RGN: variants seen among roughly 807,000 people sequenced by gnomAD.
RGN encodes the protein epididymis secretory protein Li 41.
Under a neutral mutation model 20.6 loss-of-function variants are expected in RGN, and 19 were observed. The ratio of observed to expected loss-of-function variants is 0.92; its 90% CI spans 0.64 to 1.35. The LOEUF (loss-of-function observed/expected upper bound fraction) is 1.35, where lower values mean the gene tolerates loss of function less well. Ranked by LOEUF, RGN falls within the 40% of genes most tolerant of loss-of-function variation. The pLI is 0.00. For missense variants in RGN, 302 were observed against 232.7 expected (o/e 1.30, Z -1.94); for synonymous variants, 85 against 87.2 (o/e 0.97, Z 0.14).
chrX:47,090,915 G>GGAAA (rs1167092040), intron 5 of RGN, among the ~76,000 whole-genome samples: 1,125 of 51,829 alleles, frequency 0.022, 46 homozygotes, highest in Middle Eastern at 0.067. Context: ...GAAAGAAGAA[G>GGAAA]GAAAGAAAGA....
At chrX:47,086,767 GAGAGAGAGAGAGAGAGAA>G (rs1930612934) in intron 4 of RGN, among the ~76,000 whole-genome samples, 3 of 106,064 alleles carry the variant, frequency 2.8e-5, no homozygotes, top group Admixed American at 2.1e-4. Context: ...GAGAGAGAGA[GAGAGAGAGAGAGAGAGAA>G]AGAGAGAGAG....
In RGN at chrX:47,092,222, T is replaced by C. The variant is rs1556388260; in HGVS notation, c.849+7T>C. The C allele has an allele frequency of 8.6e-7, 1 of 1,161,604 alleles. No individual in the cohort carries two copies. Among genetic ancestry groups the C allele is most frequent in the Non-Finnish European group, 1.2e-6 (1 of 869,534 alleles). On this transcript the variant is annotated splice_region_variant and intron_variant, in intron 7 of 7. Coordinates refer to ENST00000397180, the MANE Select transcript of RGN (RefSeq NM_152869.4). ...AGCTGGTGGAATTTTCAAGGTGATA[T>C]GGCTATTTCTTTTATTTTGGGGGTG... is the stretch of plus-strand genomic sequence containing the variant.
chrX:47,079,509 C>A (rs797029820), intron 1 of RGN, among the ~76,000 whole-genome samples: 1 of 108,366 alleles, frequency 9.2e-6, no homozygotes, highest in Admixed American at 9.9e-5. Context: ...CGGCTCACTG[C>A]AACCTCTGCC....
intron 4 of RGN, chrX:47,087,730 G>T (rs1262779710): frequency 9.3e-6 from 1 of 107,182 alleles, no homozygotes; most frequent in Non-Finnish European, 1.9e-5. Flanking sequence ...AATTGCAGGT[G>T]TCATTGTAGG....
At chrX:47,090,669 A>C (rs1410831020) in intron 5 of RGN, among the ~76,000 whole-genome samples, 1 of 108,620 alleles carries the variant, frequency 9.2e-6, no homozygotes, top group African/African-American at 3.4e-5. Context: ...ATGACTTGGA[A>C]AAAATATCCC....
At chrX:47,090,792 G>T (rs1556387218) in intron 5 of RGN, among the ~76,000 whole-genome samples, 2 of 106,352 alleles carry the variant, frequency 1.9e-5, no homozygotes, top group African/African-American at 6.9e-5. Flanking sequence ...GAACCCGGGA[G>T]GCAGGGGTTG....
chrX:47,085,532 A>G, intron 4 of RGN, among the ~76,000 whole-genome samples: 1 of 111,177 alleles, frequency 9.0e-6, no homozygotes, highest in East Asian at 2.8e-4. Context: ...AAAAAAGAAT[A>G]GTACAAACAA....
chrX:47,086,436 A>T (rs1930592193), intron 4 of RGN, among the ~76,000 whole-genome samples: 1 of 111,293 alleles, frequency 9.0e-6, no homozygotes, highest in Admixed American at 9.8e-5. Context: ...ATAACAAATT[A>T]CCCTGAAACT....
Position 47,089,880 on chromosome X carries a change from G to T in RGN, c.451G>T (p.Asp151Tyr). The change falls in exon 5 of 8, where the codon GAC becomes TAC. Residue 151 changes from aspartate (D) to tyrosine (Y), a missense_variant. By Grantham distance (160) the Asp-to-Tyr change is radical (BLOSUM62 -3). Coordinates refer to ENST00000397180, the MANE Select transcript of RGN (RefSeq NM_152869.4). Reference sequence around the variant, plus strand: ...CGTGAAAAAGTACTTTGACCAGGTGGACATTTCCAATGGTTTGGATTGGTC... The same window carrying T: ...CGTGAAAAAGTACTTTGACCAGGTGTACATTTCCAATGGTTTGGATTGGTC... ...HHVKKYFDQVDISNGLDWSLD... is the reference protein window; with the variant it reads ...HHVKKYFDQVYISNGLDWSLD... The T allele has an allele frequency of 8.3e-7, 1 of 1,208,672 alleles. No individual in the cohort carries two copies. Among genetic ancestry groups the T allele is most frequent in the Non-Finnish European group, 1.1e-6 (1 of 893,886 alleles).
chrX:47,088,681 C>T (rs1556385252), intron 4 of RGN, among the ~76,000 whole-genome samples: 2 of 109,652 alleles, frequency 1.8e-5, no homozygotes, highest in African/African-American at 3.3e-5. Context: ...CCTATAATCC[C>T]AGCACTTTGG....
chrX:47,079,106 C>G (rs1159810315), intron 1 of RGN, among the ~76,000 whole-genome samples: 1 of 108,765 alleles, frequency 9.2e-6, no homozygotes, highest in African/African-American at 3.4e-5. Flanking sequence ...ACCACAGGCT[C>G]GAACCACTAA....
Position 47,084,411 on chromosome X carries a change from T to G in RGN, c.164-7T>G, listed in dbSNP as rs1930487627. On this transcript the variant is annotated splice_region_variant and splice_polypyrimidine_tract_variant and intron_variant, in intron 3 of 7. Coordinates refer to ENST00000397180, the MANE Select transcript of RGN (RefSeq NM_152869.4). The stretch of plus-strand genomic sequence containing the variant: ...ACTGTTTTTTAACTGTTGCTTTACC[T>G]CTACAGATGCCCCAGTCAGCTCCGT... 3 of 1,192,438 alleles carry G rather than the reference T, an allele frequency of 2.5e-6. No homozygotes were observed. The highest frequency in any genetic ancestry group is 3.4e-6 in the Non-Finnish European group (3 of 885,452).
At position 47,089,978 on chromosome X, in the gene RGN, G is replaced by T. The variant is rs781869363; in HGVS notation, c.549G>T (p.Gln183His). ...YSVDAFDYDL[Q>H]TGQISNRRSV... ...TGGATGCCTTTGACTATGACCTGCA[G>T]ACAGGACAGATCTGTATGTATTTTT... The change falls in exon 5 of 8, where the codon CAG becomes CAT. Residue 183 changes from glutamine to histidine, a missense_variant. Coordinates refer to ENST00000397180, the MANE Select transcript of RGN (RefSeq NM_152869.4). 24 of 1,179,639 alleles carry T rather than the reference G, an allele frequency of 2.0e-5. No individual in the cohort carries two copies. Among genetic ancestry groups the T allele is most frequent in the Middle Eastern group, 2.3e-4 (1 of 4,263 alleles).
chrX:47,079,438 G>GTT (rs541170817), intron 1 of RGN, among the ~76,000 whole-genome samples: 13 of 101,266 alleles, frequency 1.3e-4, no homozygotes, highest in African/African-American at 4.3e-4. Context: ...TGTTTTTTTG[G>GTT]TTTTTTTTTT....
At position 47,080,926 on chromosome X, in the gene RGN, A is replaced by G; in HGVS notation, c.-26A>G. On this transcript the variant is annotated 5_prime_UTR_variant, in exon 2 of 8. Coordinates refer to ENST00000397180, the MANE Select transcript of RGN (RefSeq NM_152869.4). The stretch of plus-strand genomic sequence containing the variant: ...TTCTTTTTGAAAGATCATTCGAGAA[A>G]CACGTCACTGGTAAGTTGGTTGAAG... 5.5e-6 allele frequency: 2 copies of G among 365,313 alleles called. No homozygotes were observed. Among genetic ancestry groups the G allele is most frequent in the South Asian group, 6.9e-5 (1 of 14,467 alleles). 30.1% of individuals were successfully genotyped at this position (365,313 alleles called of 1,213,427 possible). A position where few individuals can be genotyped will look rare whatever the true frequency, so the allele number is the denominator to read the frequency against.
chrX:47,084,421 C>A lies in RGN; in HGVS notation c.167C>A (p.Ala56Asp). The change falls in exon 4 of 8, where the codon GCC (alanine) becomes GAC (aspartate). Residue 56 changes from alanine (A) to aspartate (D), a missense_variant. Physicochemically the swap from Ala to Asp is moderately radical, Grantham distance 126. Coordinates refer to ENST00000397180, the MANE Select transcript of RGN (RefSeq NM_152869.4). ...AACTGTTGCTTTACCTCTACAGATG[C>A]CCCAGTCAGCTCCGTGGCTCTTCGC... ...TKQVQRVTMD[A>D]PVSSVALRQS... The A allele has an allele frequency of 8.4e-7, 1 of 1,197,553 alleles. No individual in the cohort carries two copies. The highest frequency in any genetic ancestry group is 1.1e-6 in the Non-Finnish European group (1 of 888,091).
At chrX:47,083,621 G>A (rs114785765) in intron 3 of RGN, among the ~76,000 whole-genome samples, 1,134 of 110,577 alleles carry the variant, frequency 0.01, 8 homozygotes, top group African/African-American at 0.035. Flanking sequence ...TAGAAAAGAC[G>A]AATCCTGGGC....
Position 47,084,490 on chromosome X carries a change from C to T in RGN, c.236C>T (p.Ala79Val), listed in dbSNP as rs1316866270. The part of the protein sequence containing the change: ...YVATIGTKFC[A>V]LNWKEQSAVV... ...GCCACCATTGGAACAAAGTTCTGTGCTTTGAACTGGAAAGAACAATCAGCA... is the reference window on the plus strand; with the variant it reads ...GCCACCATTGGAACAAAGTTCTGTGTTTTGAACTGGAAAGAACAATCAGCA... Residue 79 changes from alanine to valine, a missense_variant, in exon 4 of 8, where the codon GCT becomes GTT. Physicochemically the swap from Ala to Val is moderately conservative, Grantham distance 64. Coordinates refer to ENST00000397180, the MANE Select transcript of RGN (RefSeq NM_152869.4). The T allele has an allele frequency of 1.1e-5, 13 of 1,204,642 alleles. No individual in the cohort carries two copies. The African/African-American group carries it at 1.9e-4, about 18-fold the overall frequency.
At chrX:47,089,588 T>TATAAACAC (rs1930822464) in intron 4 of RGN, among the ~76,000 whole-genome samples, 188 bp from the exon 5 acceptor site, 1 of 47,068 alleles carries the variant, frequency 2.1e-5, no homozygotes, top group African/African-American at 1.3e-4. Context: ...TTTATATATA[T>TATAAACAC]ATATATATAT....
Sources: gnomAD v4.1 joint callset for allele counts (sites outside exome capture counted in the v4.1 genomes callset) on GRCh38, gnomAD v4.1.1 for gene constraint, MANE v1.5 for transcripts, NCBI Gene and HGNC (gene_info 2026-07-23, HGNC 2026-07-21) for gene names.